Variants in CLEC4A observed in about 807,000 individuals in gnomAD.
The protein encoded by CLEC4A is C-type (calcium dependent, carbohydrate-recognition domain) lectin, superfamily member 6.
Under a neutral mutation model 32.7 loss-of-function variants are expected in CLEC4A, and 27 were observed. That is an observed-to-expected ratio of 0.83 (90% confidence interval 0.61 to 1.14). CLEC4A has a LOEUF of 1.14. CLEC4A is among the 50% of genes most tolerant of loss of function. The pLI, the probability that CLEC4A is intolerant of heterozygous loss-of-function variation, is 0.00. For missense variants in CLEC4A, 253 were observed against 274.6 expected (o/e 0.92, Z 0.55); for synonymous variants, 89 against 93.7 (o/e 0.95, Z 0.29).
Position 8,136,889 on chromosome 12 carries a change from C to T in CLEC4A, c.552C>T (p.Tyr184=), listed in dbSNP as rs952138191. Residue 184 remains tyrosine (Y), a synonymous_variant, in exon 5 of 6, where the codon TAC becomes TAT. Transcript: ENST00000229332. ...RHWQWVDQTP[Y]NESSTFWHPR... is the part of the protein sequence containing the mutation. ...GGCAATGGGTTGATCAGACACCATA[C>T]AATGAAAGTTCCACGTGAGTATAGA... is the stretch of plus-strand genomic sequence containing the variant. The T allele has an allele frequency of 6.2e-7, 1 of 1,610,132 alleles. No individual in the cohort carries two copies. Among genetic ancestry groups the T allele is most frequent in the Non-Finnish European group, 8.5e-7 (1 of 1,176,516 alleles).
the CLEC4A span, among the ~76,000 whole-genome samples, chr12:8,107,504 G>A: frequency 6.6e-6 from 1 of 152,222 alleles, no homozygotes; most frequent in South Asian, 2.1e-4. Flanking sequence ...AATCCACCTG[G>A]TCCTGGGCCT....
In CLEC4A at chr12:8,138,256, CAGTTTGTG is replaced by C; in HGVS notation, c.686_693del (p.Val229AspfsTer9). Reference sequence around the variant, plus strand: ...GTTAATTGTCTTGGTCCTCAAAGGTCAGTTTGTGAGATGATGAAGATCCACTTATGAAC... The same window carrying C: ...GTTAATTGTCTTGGTCCTCAAAGGTCAGATGATGAAGATCCACTTATGAAC... On this transcript the variant is annotated frameshift_variant, in exon 6 of 6. Coordinates refer to ENST00000229332, the MANE Select transcript of CLEC4A (RefSeq NM_016184.4). LOFTEE classifies it high-confidence loss of function. The C allele has an allele frequency of 6.2e-7, 1 of 1,614,066 alleles. No individual in the cohort carries two copies.
At chr12:8,119,199 G>T (rs1161651619), upstream of CLEC4A, among the ~76,000 whole-genome samples, 6 of 152,146 alleles carry the variant, frequency 3.9e-5, no homozygotes, top group Admixed American at 3.9e-4. Flanking sequence ...CTCATCTTTG[G>T]TGAAAATAAG....
chr12:8,120,613 A>C (rs893624032), upstream of CLEC4A, among the ~76,000 whole-genome samples: 3 of 152,230 alleles, frequency 2.0e-5, no homozygotes, highest in African/African-American at 7.2e-5. Flanking sequence ...CATGACATGC[A>C]ATCAATACTA....
chr12:8,104,915 T>C, the CLEC4A span, among the ~76,000 whole-genome samples: 1 of 152,222 alleles, frequency 6.6e-6, no homozygotes, highest in Non-Finnish European at 1.5e-5. Flanking sequence ...TTTTTCTTTT[T>C]TTATGGCTGC....
the CLEC4A span, among the ~76,000 whole-genome samples, chr12:8,104,517 A>C: frequency 0.021 from 3,266 of 152,282 alleles, 112 homozygotes; most frequent in African/African-American, 0.075. Flanking sequence ...GAAACAATCA[A>C]ACCATCCCTG....
chr12:8,118,358 G>A, the CLEC4A span, among the ~76,000 whole-genome samples: 1 of 150,034 alleles, frequency 6.7e-6, no homozygotes, highest in Non-Finnish European at 1.5e-5. Flanking sequence ...TGGTTTAAAT[G>A]TGTCCCTCTC....
intron 4 of CLEC4A, among the ~76,000 whole-genome samples, chr12:8,136,095 C>A (rs781246165): frequency 6.6e-6 from 1 of 152,272 alleles, no homozygotes; most frequent in South Asian, 2.1e-4. Context: ...AAAGTTAACT[C>A]ATGATGAATC....
chr12:8,123,701 G>A lies in CLEC4A; in HGVS notation c.-178G>A, dbSNP rs1947854524. ...ACTGCGGTTTTTAGTTTTTATTGTG[G>A]TTCTTAGTTCTCATGAGACCCCTCT... On this transcript the variant is annotated 5_prime_UTR_variant, in exon 1 of 6. Coordinates refer to ENST00000229332, the MANE Select transcript of CLEC4A (RefSeq NM_016184.4). 3.5e-6 allele frequency: 2 copies of A among 564,034 alleles called. No homozygotes were observed. The highest frequency in any genetic ancestry group is 6.3e-6 in the Non-Finnish European group (2 of 317,490). 34.9% of individuals were successfully genotyped at this position (564,034 alleles called of 1,614,324 possible). A position where few individuals can be genotyped will look rare whatever the true frequency, so the allele number is the denominator to read the frequency against.
the CLEC4A span, among the ~76,000 whole-genome samples, chr12:8,111,961 G>GTATATA: frequency 1.0e-4 from 15 of 144,780 alleles, no homozygotes; most frequent in African/African-American, 4.1e-4. Context: ...GTGTGTGTGT[G>GTATATA]TGTATTTTAT....
At chr12:8,134,692 C>T (rs1193467677) in intron 3 of CLEC4A, 17 of 1,575,324 alleles carry the variant, frequency 1.1e-5, no homozygotes, top group African/African-American at 8.1e-5. Context: ...TCCTCAGAGC[C>T]TGGCCCAAAC....
chr12:8,113,762 A>G, the CLEC4A span, among the ~76,000 whole-genome samples: 3 of 152,190 alleles, frequency 2.0e-5, no homozygotes, highest in Admixed American at 2.0e-4. Context: ...TAAATGGGGA[A>G]GAGGGAAAGC....
chr12:8,120,589 G>T, upstream of CLEC4A, among the ~76,000 whole-genome samples: 1 of 152,088 alleles, frequency 6.6e-6, no homozygotes, highest in East Asian at 1.9e-4. Flanking sequence ...CCTCATAATA[G>T]GTACCATACC....
At chr12:8,106,097 T>A in the CLEC4A span, among the ~76,000 whole-genome samples, 1 of 152,230 alleles carries the variant, frequency 6.6e-6, no homozygotes, top group Non-Finnish European at 1.5e-5. Flanking sequence ...GTTTCAATCT[T>A]CTGCATATCG....
the CLEC4A span, among the ~76,000 whole-genome samples, chr12:8,112,242 A>G: frequency 6.6e-6 from 1 of 152,156 alleles, no homozygotes; most frequent in Non-Finnish European, 1.5e-5. Context: ...TGCTGGGATT[A>G]CAGGCATGAG....
chr12:8,107,216 A>C, the CLEC4A span, among the ~76,000 whole-genome samples: 1 of 152,164 alleles, frequency 6.6e-6, no homozygotes, highest in Non-Finnish European at 1.5e-5. Flanking sequence ...TGCATCCCAG[A>C]GATAAAGCCT....
At chr12:8,104,799 C>T in the CLEC4A span, among the ~76,000 whole-genome samples, 1 of 152,148 alleles carries the variant, frequency 6.6e-6, no homozygotes, top group Non-Finnish European at 1.5e-5. Context: ...ATGTTTAGAT[C>T]TCATTCACAC....
intron 3 of CLEC4A, among the ~76,000 whole-genome samples, chr12:8,132,706 C>T (rs942626870): frequency 6.6e-6 from 1 of 152,164 alleles, no homozygotes; most frequent in Non-Finnish European, 1.5e-5. Context: ...CTGTGTAGTT[C>T]TGTCAATGGT....
the CLEC4A span, among the ~76,000 whole-genome samples, chr12:8,106,323 A>G: frequency 6.6e-6 from 1 of 152,182 alleles, no homozygotes; most frequent in South Asian, 2.1e-4. Context: ...AGGCGACACA[A>G]TGCCTCCAGC....
Sources: allele counts gnomAD v4.1 joint callset (sites outside exome capture counted in the v4.1 genomes callset), GRCh38; gene constraint gnomAD v4.1.1; transcripts MANE v1.5; gene names NCBI Gene and HGNC (gene_info 2026-07-23, HGNC 2026-07-21).